The following CASP8 variants were observed in gnomAD, a reference collection of about 807,000 sequenced individuals.
The protein encoded by CASP8 is caspase 8.
Under a neutral mutation model 46.3 loss-of-function variants are expected in CASP8, and 24 were observed. The observed-to-expected ratio is 0.52, with a 90% confidence interval of 0.38 to 0.73. The LOEUF (loss-of-function observed/expected upper bound fraction) is 0.73, where lower values mean the gene tolerates loss of function less well. Ranked by LOEUF, CASP8 falls within the 30% of genes least tolerant of loss-of-function variation. The probability of loss-of-function intolerance (pLI) is 0.00; values close to 1 mark genes in which losing one functional copy is unlikely to be tolerated. For synonymous variants in CASP8, 188 were observed against 200.4 expected (o/e 0.94, Z 0.52); for missense variants, 460 against 559.0 (o/e 0.82, Z 1.79).
intron 2 of CASP8, chr2:201,242,651 A>C (rs1265558959): frequency 1.3e-5 from 2 of 152,202 alleles, no homozygotes; most frequent in African/African-American, 2.4e-5. Flanking sequence ...TGTGATCTCT[A>C]TTAACATCCC....
intron 2 of CASP8, among the ~76,000 whole-genome samples, chr2:201,243,422 A>G (rs1559330170): frequency 6.6e-6 from 1 of 152,256 alleles, no homozygotes; most frequent in Non-Finnish European, 1.5e-5. Flanking sequence ...CTCACTTTGC[A>G]AGGTGCACAT....
intron 7 of CASP8, among the ~76,000 whole-genome samples, chr2:201,280,018 A>G (rs968941840): frequency 6.6e-6 from 1 of 152,186 alleles, no homozygotes; most frequent in Non-Finnish European, 1.5e-5. Context: ...CATGAAACAG[A>G]ATATGAATGA....
At chr2:201,274,635 C>T (rs1199104539) in intron 5 of CASP8, among the ~76,000 whole-genome samples, 5 of 152,114 alleles carry the variant, frequency 3.3e-5, no homozygotes, top group African/African-American at 4.8e-5. Context: ...CCACCACGCC[C>T]GGCTAATTTT....
chr2:201,242,681 G>GA (rs1417183319), intron 2 of CASP8: 1 of 151,330 alleles, frequency 6.6e-6, no homozygotes, highest in Non-Finnish European at 1.5e-5. Flanking sequence ...TTTTTTTACA[G>GA]AAAAAAACCT....
chr2:201,273,355 G>A (rs1394715850), intron 5 of CASP8, among the ~76,000 whole-genome samples: 2 of 151,972 alleles, frequency 1.3e-5, no homozygotes, highest in South Asian at 2.1e-4. Flanking sequence ...CACTGCGCCC[G>A]GCCGCACCTG....
chr2:201,255,488 C>A (rs1012335887), intron 2 of CASP8, among the ~76,000 whole-genome samples: 1 of 152,142 alleles, frequency 6.6e-6, no homozygotes, highest in Non-Finnish European at 1.5e-5. Flanking sequence ...CTACCCTGCT[C>A]CCCCCATTCT....
At chr2:201,263,895 A>C (rs6723097) in intron 1 of CASP8, among the ~76,000 whole-genome samples, 70,377 of 152,132 alleles carry the variant, frequency 0.46, 18,811 homozygotes, top group Non-Finnish European at 0.62. Context: ...GTAAAAATTC[A>C]AACAGTACAA....
chr2:201,269,602 T>C, intron 2 of CASP8: 2 of 1,608,820 alleles, frequency 1.2e-6, no homozygotes, highest in Non-Finnish European at 1.7e-6. Flanking sequence ...CATCTATTAA[T>C]AAGGCAGGAT....
At position 201,286,594 on chromosome 2, in the gene CASP8, A is replaced by T. The variant is rs767575100; in HGVS notation, c.1440A>T (p.Ter480CysextTer88). 6.2e-7 allele frequency: 1 copy of T among 1,613,212 alleles called. No individual in the cohort carries two copies. Among genetic ancestry groups the T allele is most frequent in the Non-Finnish European group, 8.5e-7 (1 of 1,179,370 alleles). ...AAAAACTTGTCTTCCCTTCTGATTG[A>T]TGGTGCTATTTTGTTTGTTTTGTTT... Reference protein sequence around the residue: ...LRKKLVFPSD* With the variant: ...LRKKLVFPSDC The change falls in exon 9 of 9, where the codon TGA (stop) becomes TGT (cysteine). Residue 480 changes from the stop codon to cysteine, a stop_lost. Transcript: ENST00000673742.
rs553002035 is a variant in CASP8 at position 201,246,634 on chromosome 2, C to A, written c.-27+12522C>A. ...CCACCCTCACCCCCAGTTCAGCTGA[C>A]TGACTCCCCAGCCTGTATTCTCACC... On this transcript the variant is annotated intron_variant, in intron 2 of 6. Coordinates refer to the CASP8 transcript ENST00000264274. 6.6e-5 allele frequency among the ~76,000 whole-genome samples: 10 copies of A among 152,268 alleles called. No individual in the cohort carries two copies. The South Asian group carries it at 2.1e-3, about 32-fold the overall frequency.
chr2:201,247,007 C>T (rs1237031994), intron 2 of CASP8, among the ~76,000 whole-genome samples: 2 of 151,696 alleles, frequency 1.3e-5, no homozygotes, highest in African/African-American at 4.8e-5. Context: ...CCAGCCTGGC[C>T]AAGATGGTGA....
At chr2:201,267,531 C>T (rs1353815106) in intron 2 of CASP8, among the ~76,000 whole-genome samples, 9 of 152,120 alleles carry the variant, frequency 5.9e-5, no homozygotes. Context: ...TTGGGTCATC[C>T]TGCCAAAGGC....
chr2:201,276,703 A>G, intron 6 of CASP8, 124 bp from the exon 7 acceptor site: 1 of 1,245,130 alleles, frequency 8.0e-7, no homozygotes, highest in Non-Finnish European at 1.2e-6. Context: ...TAGTTCTTCG[A>G]GGAAACGACC....
chr2:201,235,653 T>C (rs766325094), intron 2 of CASP8, among the ~76,000 whole-genome samples: 4 of 152,224 alleles, frequency 2.6e-5, no homozygotes, highest in Non-Finnish European at 5.9e-5. Context: ...TACTGAGATA[T>C]GATTGATATA....
At chr2:201,258,234 G>T, upstream of CASP8, 1 of 1,607,390 alleles carries the variant, frequency 6.2e-7, no homozygotes, top group Non-Finnish European at 8.5e-7. Context: ...GTGAGGCCAT[G>T]GAGGGAGGCA....
intron 2 of CASP8, among the ~76,000 whole-genome samples, chr2:201,247,887 G>T (rs971620078): frequency 6.6e-6 from 1 of 152,018 alleles, no homozygotes; most frequent in Non-Finnish European, 1.5e-5. Context: ...CTCGTGATCC[G>T]CCCGCCTTGG....
At chr2:201,234,847 G>T (rs1006694165) in intron 2 of CASP8, among the ~76,000 whole-genome samples, 1 of 151,990 alleles carries the variant, frequency 6.6e-6, no homozygotes, top group African/African-American at 2.4e-5. Flanking sequence ...AATATACTTA[G>T]GCTTTTATTT....
rs11899004 is a variant in CASP8, at chr2:201,249,303, G to T, written c.-27+15191G>T. Reference sequence around the variant, plus strand: ...TATATGGCTATCTTGTTGATCTGTCGTTATTTACTATAAAGACGATCCTTT... The same window carrying T: ...TATATGGCTATCTTGTTGATCTGTCTTTATTTACTATAAAGACGATCCTTT... On this transcript the variant is annotated intron_variant, in intron 2 of 6. Coordinates refer to the CASP8 transcript ENST00000264274. 2.4e-3 allele frequency among the ~76,000 whole-genome samples: 361 copies of T among 152,164 alleles called. 1 individual carries two copies. Among genetic ancestry groups the T allele is most frequent in the African/African-American group, 8.4e-3 (348 of 41,504 alleles).
At chr2:201,271,096 C>T (rs948773755) in intron 2 of CASP8, among the ~76,000 whole-genome samples, 2 of 152,134 alleles carry the variant, frequency 1.3e-5, no homozygotes, top group Non-Finnish European at 2.9e-5. Flanking sequence ...GAACCGAATG[C>T]TTGGCCGTCT....
Sources: allele counts gnomAD v4.1 joint callset (sites outside exome capture counted in the v4.1 genomes callset), GRCh38; gene constraint gnomAD v4.1.1; transcripts MANE v1.5; gene names NCBI Gene and HGNC (gene_info 2026-07-23, HGNC 2026-07-21).